NEURL1: variants seen among roughly 807,000 people sequenced by gnomAD.
NEURL1 encodes the protein E3 ubiquitin-protein ligase NEURL1.
In NEURL1, 26 loss-of-function variants were observed where a neutral mutation model predicts 41.2. The ratio of observed to expected loss-of-function variants is 0.63; its 90% CI spans 0.46 to 0.87. The LOEUF (loss-of-function observed/expected upper bound fraction) is 0.87. NEURL1 is among the 40% of genes least tolerant of loss of function. The pLI is 0.00. For synonymous variants in NEURL1, 400 were observed against 402.3 expected (o/e 0.99, Z 0.07); for missense variants, 761 against 871.1 (o/e 0.87, Z 1.59).
chr10:103,580,287 T>G (rs2035758983), intron 3 of NEURL1, among the ~76,000 whole-genome samples: 1 of 152,244 alleles, frequency 6.6e-6, no homozygotes, highest in Non-Finnish European at 1.5e-5. Context: ...CGGCTTCTCC[T>G]CATGGCCTTG....
intron 1 of NEURL1, among the ~76,000 whole-genome samples, chr10:103,546,026 C>A (rs1225851342): frequency 6.6e-6 from 1 of 152,176 alleles, no homozygotes; most frequent in Non-Finnish European, 1.5e-5. Flanking sequence ...TTTTTAGAGA[C>A]AAGGTCTCAC....
At chr10:103,534,289 A>G (rs2034646501) in intron 1 of NEURL1, among the ~76,000 whole-genome samples, 1 of 146,212 alleles carries the variant, frequency 6.8e-6, no homozygotes, top group Non-Finnish European at 1.5e-5. Flanking sequence ...GTGAGTTATT[A>G]TGTTCCTTTG....
chr10:103,553,694 C>T (rs1486616120), intron 1 of NEURL1, among the ~76,000 whole-genome samples: 1 of 152,256 alleles, frequency 6.6e-6, no homozygotes, highest in Non-Finnish European at 1.5e-5. Context: ...CAGTCCCTTA[C>T]AGGGCCCAGG....
intron 1 of NEURL1, among the ~76,000 whole-genome samples, chr10:103,516,775 G>A (rs947162682): frequency 5.3e-5 from 8 of 152,240 alleles, no homozygotes; most frequent in African/African-American, 1.9e-4. Context: ...CAGGGGACCT[G>A]GAATAACCAG....
chr10:103,551,915 A>T (rs906629223), intron 1 of NEURL1, among the ~76,000 whole-genome samples: 1 of 152,206 alleles, frequency 6.6e-6, no homozygotes, highest in African/African-American at 2.4e-5. Context: ...GCTGCTGCTC[A>T]TCTGAAGGAC....
intron 1 of NEURL1, among the ~76,000 whole-genome samples, chr10:103,495,663 G>A (rs960442014): frequency 6.6e-6 from 1 of 152,174 alleles, no homozygotes; most frequent in African/African-American, 2.4e-5. Flanking sequence ...TTTAAGACCA[G>A]GGAAGAGGAG....
intron 1 of NEURL1, among the ~76,000 whole-genome samples, chr10:103,552,623 A>G (rs1439906189): frequency 6.6e-6 from 1 of 152,206 alleles, no homozygotes; most frequent in Non-Finnish European, 1.5e-5. Context: ...AGACTACTGG[A>G]TAAATGTCTG....
chr10:103,584,824 T>TGGCGCGCGTGGAGCACGGGCGCGACG lies in NEURL1; in HGVS notation c.939_964dup (p.Glu322GlyfsTer191). 7.1e-7 allele frequency: 1 copy of TGGCGCGCGTGGAGCACGGGCGCGACG among 1,414,256 alleles called. No homozygotes were observed. The highest frequency in any genetic ancestry group is 3.3e-5 in the Admixed American group (1 of 30,160). 87.6% of individuals were successfully genotyped at this position (1,414,256 alleles called of 1,614,324 possible). ...GTCCGCATCCTCGACGAGCAGACGGTGGCGCGCGTGGAGCACGGGCGCGAC... is the reference window on the plus strand; with the variant it reads ...GTCCGCATCCTCGACGAGCAGACGGTGGCGCGCGTGGAGCACGGGCGCGACGGGCGCGCGTGGAGCACGGGCGCGAC... On this transcript the variant is annotated frameshift_variant, in exon 4 of 6. Transcript: ENST00000369780. LOFTEE classifies it high-confidence loss of function.
chr10:103,494,498 G>C, intron 1 of NEURL1, 26 bp downstream of exon 1: 1 of 1,521,348 alleles, frequency 6.6e-7, no homozygotes, highest in Non-Finnish European at 8.8e-7. Context: ...GAGCGCTGCT[G>C]GAGGACTGGG....
At chr10:103,533,087 T>C (rs2034607267) in intron 1 of NEURL1, among the ~76,000 whole-genome samples, 1 of 150,766 alleles carries the variant, frequency 6.6e-6, no homozygotes, top group Non-Finnish European at 1.5e-5. Context: ...CCACCATGCC[T>C]GGCTATTTTT....
Position 103,584,758 on chromosome 10 carries a change from A to T in NEURL1, c.872A>T (p.Asp291Val). 3 of 1,310,396 alleles carry T rather than the reference A, an allele frequency of 2.3e-6. No homozygotes were observed. Among genetic ancestry groups the T allele is most frequent in the Non-Finnish European group, 2.0e-6 (2 of 1,009,474 alleles). 81.2% of individuals were successfully genotyped at this position (1,310,396 alleles called of 1,614,324 possible). ...QHSRALPAQL[D>V]GDLRFHALRA... The stretch of plus-strand genomic sequence containing the variant: ...AGCCGCGCGCTGCCGGCGCAGCTCG[A>T]CGGCGACCTGCGTTTCCACGCCCTG... Residue 291 changes from aspartate to valine, a missense_variant, in exon 4 of 6, where the codon GAC becomes GTC. By Grantham distance (152) the Asp-to-Val change is radical. This residue lies in a region of NEURL1 where 443 missense variants were observed against 408.1 expected (regional missense o/e 1.09). Coordinates refer to ENST00000369780, the MANE Select transcript of NEURL1 (RefSeq NM_004210.5).
At chr10:103,528,828 A>G (rs1313060564) in intron 1 of NEURL1, among the ~76,000 whole-genome samples, 3 of 152,248 alleles carry the variant, frequency 2.0e-5, no homozygotes, top group African/African-American at 7.2e-5. Context: ...GGAACTTCCC[A>G]GGAACTGGAA....
At chr10:103,524,767 T>A (rs2034427098) in intron 1 of NEURL1, among the ~76,000 whole-genome samples, 1 of 152,162 alleles carries the variant, frequency 6.6e-6, no homozygotes, top group African/African-American at 2.4e-5. Flanking sequence ...AATACATGGG[T>A]TTATGTCTGG....
chr10:103,525,324 G>C (rs1288936867), intron 1 of NEURL1, among the ~76,000 whole-genome samples: 3 of 141,552 alleles, frequency 2.1e-5, no homozygotes, highest in African/African-American at 7.6e-5. Context: ...GAGTTTTTTT[G>C]GTGGAGTTTT....
chr10:103,522,158 G>A (rs947028782), intron 1 of NEURL1, among the ~76,000 whole-genome samples: 2 of 152,122 alleles, frequency 1.3e-5, no homozygotes, highest in Admixed American at 6.5e-5. Flanking sequence ...GCAAGAACTG[G>A]CCATTTTGAC....
At chr10:103,541,445 A>G (rs911067122) in intron 1 of NEURL1, among the ~76,000 whole-genome samples, 2 of 152,150 alleles carry the variant, frequency 1.3e-5, no homozygotes, top group Non-Finnish European at 2.9e-5. Flanking sequence ...TTCTAAGAAA[A>G]GTTCTGCAAG....
chr10:103,583,861 A>C (rs908328734), intron 3 of NEURL1, among the ~76,000 whole-genome samples: 3 of 151,542 alleles, frequency 2.0e-5, no homozygotes, highest in African/African-American at 7.3e-5. Context: ...TGCTGAACTG[A>C]ATTTTCTACA....
intron 1 of NEURL1, among the ~76,000 whole-genome samples, chr10:103,562,644 GA>G (rs1418187535): frequency 2.0e-5 from 3 of 152,200 alleles, no homozygotes; most frequent in African/African-American, 7.2e-5. Context: ...TCTTGTGTAA[GA>G]ACCAGGATTG....
At chr10:103,554,225 G>A (rs1375473452) in intron 1 of NEURL1, among the ~76,000 whole-genome samples, 1 of 152,216 alleles carries the variant, frequency 6.6e-6, no homozygotes, top group Non-Finnish European at 1.5e-5. Flanking sequence ...TCTTCCCTGA[G>A]TGTGGGGTGC....
Sources: allele counts gnomAD v4.1 joint callset (sites outside exome capture counted in the v4.1 genomes callset), GRCh38; gene constraint gnomAD v4.1.1; regional missense constraint gnomAD v4.1.1; transcripts MANE v1.5; gene names NCBI Gene and HGNC (gene_info 2026-07-23, HGNC 2026-07-21).